Variants in ITPR1 observed in about 807,000 individuals in gnomAD.
The protein encoded by ITPR1 is inositol 1,4,5-trisphosphate-gated calcium channel ITPR1.
ITPR1 carries 96 observed loss-of-function variants against 318.4 expected under a neutral mutation model. The observed-to-expected ratio is 0.30, with a 90% CI of 0.26 to 0.36. The LOEUF (loss-of-function observed/expected upper bound fraction) is 0.36, where lower values mean the gene tolerates loss of function less well. Among genes scored for constraint, ITPR1 ranks in the 10% least tolerant of loss-of-function variants. ITPR1 has a pLI of 1.00. For synonymous variants in ITPR1, 1,312 were observed against 1,289.9 expected (o/e 1.02, Z -0.37); for missense variants, 2,440 against 3,460.2 (o/e 0.71, Z 7.40).
In ITPR1 at chr3:4,768,793, G is replaced by A; in HGVS notation, c.5979+29G>A. ...AGGGCCTGGGGGTGGGGGCGTGGAG[G>A]GAGCTCGGGAAAGGCTGCCAAGGCC... On this transcript the variant is annotated intron_variant, in intron 46 of 61. Transcript: ENST00000649015. 4 of 1,587,066 alleles carry A rather than the reference G, an allele frequency of 2.5e-6. No individual in the cohort carries two copies. The South Asian group carries it at 4.5e-5, about 18-fold the overall frequency.
chr3:4,722,694 T>C (rs2042246606), intron 40 of ITPR1, among the ~76,000 whole-genome samples: 2 of 152,200 alleles, frequency 1.3e-5, no homozygotes, highest in South Asian at 4.1e-4. Context: ...GTATAGGCTA[T>C]GGGTGGTTTT....
chr3:4,719,223 A>G (rs1396775605), intron 40 of ITPR1, among the ~76,000 whole-genome samples: 3 of 152,226 alleles, frequency 2.0e-5, no homozygotes, highest in Non-Finnish European at 1.5e-5. Flanking sequence ...AGCCACTCAG[A>G]TTCTTTGAAA....
chr3:4,634,274 C>T (rs2093109858), intron 5 of ITPR1, among the ~76,000 whole-genome samples: 1 of 151,900 alleles, frequency 6.6e-6, no homozygotes, highest in Non-Finnish European at 1.5e-5. Flanking sequence ...TGTGCAGTGA[C>T]ATGTTCCCGG....
At chr3:4,532,829 A>G (rs115637886) in intron 4 of ITPR1, among the ~76,000 whole-genome samples, 4,259 of 152,376 alleles carry the variant, frequency 0.028, 90 homozygotes, top group Non-Finnish European at 0.043. Context: ...GCCCAGAGGT[A>G]GAATATGAGG....
At chr3:4,508,838 G>A (rs1371782764) in intron 2 of ITPR1, among the ~76,000 whole-genome samples, 1 of 152,088 alleles carries the variant, frequency 6.6e-6, no homozygotes, top group African/African-American at 2.4e-5. Context: ...TTGTGAGTTT[G>A]GGTACTGAAA....
chr3:4,585,695 C>A (rs1330224564), intron 4 of ITPR1, among the ~76,000 whole-genome samples: 2 of 152,148 alleles, frequency 1.3e-5, no homozygotes, highest in Non-Finnish European at 2.9e-5. Flanking sequence ...CCTCAGCCTC[C>A]CAAAGTGCTA....
chr3:4,828,359 G>T, intron 60 of ITPR1, among the ~76,000 whole-genome samples: 1 of 152,294 alleles, frequency 6.6e-6, no homozygotes, highest in Admixed American at 6.5e-5. Flanking sequence ...GAAAGTGCAG[G>T]GGAAGTTGCC....
intron 4 of ITPR1, among the ~76,000 whole-genome samples, chr3:4,590,261 A>G (rs1174553352): frequency 8.6e-6 from 1 of 116,128 alleles, no homozygotes; most frequent in Non-Finnish European, 1.7e-5. Flanking sequence ...TTTGCTCTTT[A>G]TCTTTCTCTG....
intron 4 of ITPR1, among the ~76,000 whole-genome samples, chr3:4,545,841 G>A (rs1307547315): frequency 6.6e-6 from 1 of 151,774 alleles, no homozygotes; most frequent in Non-Finnish European, 1.5e-5. Context: ...AGGACTATAG[G>A]CTAGGACCCC....
intron 4 of ITPR1, among the ~76,000 whole-genome samples, chr3:4,554,537 G>C (rs188062649): frequency 2.0e-5 from 3 of 152,254 alleles, no homozygotes; most frequent in African/African-American, 7.2e-5. Flanking sequence ...TGAGCTCACT[G>C]GTGGGTTGGG....
In ITPR1 at chr3:4,680,755, A is replaced by G; in HGVS notation, c.3106+64A>G. On this transcript the variant is annotated intron_variant, in intron 25 of 61. Coordinates refer to ENST00000649015, the MANE Select transcript of ITPR1 (RefSeq NM_001378452.1). ...ACCTGGCTCTAAGGAAAATGGGGAG[A>G]GCAAACAGTATCTTCTAGAAAAAGG... 6 of 1,400,622 alleles carry G rather than the reference A, an allele frequency of 4.3e-6. 1 individual carries two copies. In the South Asian group the frequency reaches 6.4e-5, roughly 15 times the overall value. The allele number at this position is 1,400,622 out of a possible 1,614,324, so 86.8% of individuals were successfully genotyped here. A position where few individuals can be genotyped will look rare whatever the true frequency, so the allele number is the denominator to read the frequency against.
At chr3:4,655,625 G>T (rs2093689138) in intron 12 of ITPR1, among the ~76,000 whole-genome samples, 1 of 152,174 alleles carries the variant, frequency 6.6e-6, no homozygotes, top group Non-Finnish European at 1.5e-5. Flanking sequence ...GATCTTCCTG[G>T]TACAGAGGAG....
chr3:4,657,489 A>C (rs2093739572), intron 12 of ITPR1, among the ~76,000 whole-genome samples: 1 of 136,936 alleles, frequency 7.3e-6, no homozygotes, highest in African/African-American at 2.9e-5. Context: ...TTTTTTTGAG[A>C]CAGAGTCTCA....
chr3:4,793,178 A>C lies in ITPR1; in HGVS notation c.6809-1887A>C, dbSNP rs79323524. Among the ~76,000 whole-genome samples, 319 of 152,386 alleles carry C rather than the reference A, an allele frequency of 2.1e-3. 1 individual carries two copies. Among genetic ancestry groups the C allele is most frequent in the African/African-American group, 7.5e-3 (311 of 41,598 alleles). ...TTGAAAACAACATTACAACTTAAGTAGAATGTTAGCCTTATAAAAATAAGA... is the reference window on the plus strand; with the variant it reads ...TTGAAAACAACATTACAACTTAAGTCGAATGTTAGCCTTATAAAAATAAGA... On this transcript the variant is annotated intron_variant, in intron 52 of 61. Transcript: ENST00000649015.
At chr3:4,711,677 G>T in intron 38 of ITPR1, 80 bp from the exon 39 acceptor site, 2 of 785,640 alleles carry the variant, frequency 2.5e-6, no homozygotes, top group Non-Finnish European at 4.4e-6. Flanking sequence ...TAACGGACTA[G>T]TTAAAATAAA....
chr3:4,562,943 G>A (rs1317227021), intron 4 of ITPR1, among the ~76,000 whole-genome samples: 1 of 142,008 alleles, frequency 7.0e-6, no homozygotes, highest in Non-Finnish European at 1.5e-5. Flanking sequence ...ATGTGATGCA[G>A]CATGACTGGG....
At chr3:4,804,245 A>G (rs1435863959) in intron 54 of ITPR1, among the ~76,000 whole-genome samples, 10 of 152,226 alleles carry the variant, frequency 6.6e-5, no homozygotes, top group African/African-American at 2.4e-4. Flanking sequence ...GGACGGAGAC[A>G]GAGAGAGAAT....
chr3:4,812,664 C>G (rs1187863564), intron 56 of ITPR1, among the ~76,000 whole-genome samples: 3 of 152,162 alleles, frequency 2.0e-5, no homozygotes, highest in African/African-American at 4.8e-5. Flanking sequence ...AGCCAGCCAG[C>G]CTTTGTGCTC....
intron 4 of ITPR1, among the ~76,000 whole-genome samples, chr3:4,558,098 C>T (rs1370193707): frequency 6.6e-6 from 1 of 152,148 alleles, no homozygotes; most frequent in Non-Finnish European, 1.5e-5. Flanking sequence ...AAAATTGGAA[C>T]GTATGCTTAA....
Sources: allele counts gnomAD v4.1 joint callset (sites outside exome capture counted in the v4.1 genomes callset), GRCh38; gene constraint gnomAD v4.1.1; transcripts MANE v1.5; gene names NCBI Gene and HGNC (gene_info 2026-07-23, HGNC 2026-07-21).